Variants in PRKCB observed in about 807,000 individuals in gnomAD.
The protein encoded by PRKCB is protein kinase C beta, also known as protein kinase C beta type.
A neutral mutation model predicts 81.5 loss-of-function variants in PRKCB; 13 were observed. The ratio of observed to expected loss-of-function variants is 0.16; its 90% confidence interval spans 0.10 to 0.25. The LOEUF (loss-of-function observed/expected upper bound fraction) is 0.25. Ranked by LOEUF, PRKCB falls within the 10% of genes least tolerant of loss-of-function variation. The pLI, the probability that PRKCB is intolerant of heterozygous loss-of-function variation, is 1.00. For missense variants in PRKCB, 509 were observed against 875.7 expected (o/e 0.58, Z 5.29); for synonymous variants, 335 against 321.4 (o/e 1.04, Z -0.45).
At chr16:24,181,056 T>A (rs1307973027) in intron 13 of PRKCB, 128 bp downstream of exon 13, 1 of 1,208,594 alleles carries the variant, frequency 8.3e-7, no homozygotes, top group Non-Finnish European at 1.1e-6. Context: ...TCTTATTCTA[T>A]ACTCTAAATC....
intron 9 of PRKCB, among the ~76,000 whole-genome samples, chr16:24,133,838 G>A (rs1966857209): frequency 6.6e-6 from 1 of 151,944 alleles, no homozygotes; most frequent in African/African-American, 2.4e-5. Flanking sequence ...GATTTCAGTT[G>A]CCTCTTGCCA....
intron 5 of PRKCB, among the ~76,000 whole-genome samples, chr16:24,036,093 G>A (rs1965614531): frequency 6.6e-6 from 1 of 152,110 alleles, no homozygotes; most frequent in Non-Finnish European, 1.5e-5. Flanking sequence ...TGAACCTGAT[G>A]GTGGCTATGC....
chr16:24,047,800 T>G (rs929198457), intron 5 of PRKCB, among the ~76,000 whole-genome samples: 13 of 152,196 alleles, frequency 8.5e-5, no homozygotes, highest in African/African-American at 3.1e-4. Context: ...TTGGGACTAG[T>G]TTAGCCTTAA....
At chr16:23,840,104 A>G (rs1374029312) in intron 2 of PRKCB, among the ~76,000 whole-genome samples, 1 of 152,232 alleles carries the variant, frequency 6.6e-6, no homozygotes, top group Non-Finnish European at 1.5e-5. Context: ...ATGGGAACAT[A>G]TAGGAAAGAG....
intron 5 of PRKCB, among the ~76,000 whole-genome samples, chr16:24,065,080 C>T (rs1202221559): frequency 3.4e-5 from 5 of 148,220 alleles, no homozygotes; most frequent in East Asian, 2.0e-4. Context: ...TATTTTTCCC[C>T]CTTTTCCCTT....
intron 2 of PRKCB, among the ~76,000 whole-genome samples, chr16:23,900,718 G>T (rs79184348): frequency 1.6e-5 from 1 of 62,266 alleles, no homozygotes; most frequent in African/African-American, 7.0e-5. Flanking sequence ...AGCTGCACAG[G>T]TTTTTTTTTT....
intron 3 of PRKCB, among the ~76,000 whole-genome samples, chr16:23,999,000 A>G (rs548271866): frequency 1.3e-5 from 2 of 152,328 alleles, no homozygotes; most frequent in South Asian, 4.1e-4. Context: ...AAATGATTCT[A>G]TCTCTGGATA....
At chr16:24,155,432 G>C (rs1241797470) in intron 10 of PRKCB, among the ~76,000 whole-genome samples, 1 of 152,162 alleles carries the variant, frequency 6.6e-6, no homozygotes, top group Admixed American at 6.5e-5. Context: ...AACCCTATCT[G>C]CAAGAGCAAG....
chr16:24,015,821 T>TA (rs1965270860), intron 3 of PRKCB, among the ~76,000 whole-genome samples: 1 of 152,162 alleles, frequency 6.6e-6, no homozygotes, highest in African/African-American at 2.4e-5. Flanking sequence ...GGTGACTAAA[T>TA]GGTTAAATAA....
intron 2 of PRKCB, among the ~76,000 whole-genome samples, chr16:23,862,267 T>G (rs1159623050): frequency 6.6e-6 from 1 of 152,202 alleles, no homozygotes; most frequent in Non-Finnish European, 1.5e-5. Context: ...TATTTTATCC[T>G]TGAGTCTTCT....
intron 2 of PRKCB, among the ~76,000 whole-genome samples, chr16:23,856,431 G>T (rs1206749628): frequency 1.3e-5 from 2 of 152,082 alleles, no homozygotes; most frequent in African/African-American, 2.4e-5. Context: ...AGAAGTTCAT[G>T]AAGTCAATAT....
chr16:24,066,252 G>A (rs1285880432), intron 5 of PRKCB, among the ~76,000 whole-genome samples: 1 of 151,940 alleles, frequency 6.6e-6, no homozygotes, highest in African/African-American at 2.4e-5. Flanking sequence ...ATGTATGTTA[G>A]ACCTTGGTAC....
At chr16:24,166,885 G>A (rs545497449) in intron 10 of PRKCB, among the ~76,000 whole-genome samples, 2 of 152,204 alleles carry the variant, frequency 1.3e-5, no homozygotes, top group South Asian at 2.1e-4. Context: ...CATATGGTTA[G>A]CGGTAGAAAC....
chr16:23,984,318 A>G (rs1294368605), intron 2 of PRKCB, among the ~76,000 whole-genome samples: 1 of 152,228 alleles, frequency 6.6e-6, no homozygotes, highest in Non-Finnish European at 1.5e-5. Flanking sequence ...GTCATTTTCC[A>G]GAGAGGAAAC....
chr16:24,187,156 C>T (rs2141977084), intron 15 of PRKCB, among the ~76,000 whole-genome samples: 1 of 152,352 alleles, frequency 6.6e-6, no homozygotes, highest in African/African-American at 2.4e-5. Flanking sequence ...TTCTCAAAAA[C>T]ATTCAGCTTT....
intron 3 of PRKCB, among the ~76,000 whole-genome samples, chr16:24,023,272 A>C (rs1249994894): frequency 6.6e-6 from 1 of 152,260 alleles, no homozygotes; most frequent in African/African-American, 2.4e-5. Context: ...GTGATGGCTT[A>C]CAGGCCATGA....
chr16:24,012,465 C>G (rs1470356021), intron 3 of PRKCB, among the ~76,000 whole-genome samples: 1 of 152,212 alleles, frequency 6.6e-6, no homozygotes, highest in African/African-American at 2.4e-5. Flanking sequence ...TCCACTAACC[C>G]TCTCTGGACA....
chr16:23,901,747 C>T (rs1229224656), intron 2 of PRKCB, among the ~76,000 whole-genome samples: 1 of 152,130 alleles, frequency 6.6e-6, no homozygotes, highest in Admixed American at 6.5e-5. Flanking sequence ...TGGCTGGTGG[C>T]AGCATTTTCT....
At chr16:24,146,576 G>A (rs142464113) in intron 9 of PRKCB, among the ~76,000 whole-genome samples, 5 of 152,172 alleles carry the variant, frequency 3.3e-5, no homozygotes, top group Admixed American at 6.5e-5. Context: ...ATTATGCAAC[G>A]CTGGGCCACA....
Sources: gnomAD v4.1 joint callset for allele counts (sites outside exome capture counted in the v4.1 genomes callset) on GRCh38, gnomAD v4.1.1 for gene constraint, MANE v1.5 for transcripts, NCBI Gene and HGNC (gene_info 2026-07-23, HGNC 2026-07-21) for gene names.